The following PSG5 variants were observed in gnomAD, a reference collection of about 807,000 sequenced individuals.
The protein encoded by PSG5 is pregnancy-specific beta-1-glycoprotein 5.
Under a neutral mutation model 37.7 loss-of-function variants are expected in PSG5, and 53 were observed. The observed-to-expected ratio is 1.41, with a 90% CI of 1.13 to 1.77. The LOEUF (loss-of-function observed/expected upper bound fraction) is 1.77, where lower values mean the gene tolerates loss of function less well. PSG5 is among the 40% of genes most tolerant of loss of function. The probability of loss-of-function intolerance (pLI) is 0.00; values close to 1 mark genes in which losing one functional copy is unlikely to be tolerated. For synonymous variants in PSG5, 221 were observed against 155.4 expected (o/e 1.42, Z -3.14); for missense variants, 547 against 405.2 (o/e 1.35, Z -3.00).
At position 43,173,805 on chromosome 19, in the gene PSG5, TG is replaced by T. The variant is rs1233308506; in HGVS notation, c.964+1409del. Reference sequence around the variant, plus strand: ...GTTATAGCCACTGTAAAAAGTGGTGTGGCTGTTTCTCAAAAAATTAAACAAT... The same window carrying T: ...GTTATAGCCACTGTAAAAAGTGGTGTGCTGTTTCTCAAAAAATTAAACAAT... On this transcript the variant is annotated intron_variant, in intron 4 of 5. Transcript: ENST00000342951. 6.6e-4 allele frequency among the ~76,000 whole-genome samples: 100 copies of T among 151,774 alleles called. 3 individuals are homozygous for T. Among genetic ancestry groups the T allele is most frequent in the African/African-American group, 2.3e-3 (94 of 41,254 alleles).
At chr19:43,175,678 GC>G in intron 3 of PSG5, 191 bp downstream of exon 3, 4 of 1,389,098 alleles carry the variant, frequency 2.9e-6, no homozygotes, top group South Asian at 1.4e-5. Flanking sequence ...TGACAAGAGC[GC>G]CCCCTCCCCT....
rs912663021 is a variant in PSG5, at chr19:43,186,225, C to A, written c.64+117G>T. The A allele has an allele frequency of 2.6e-4, 403 of 1,536,832 alleles. 10 individuals are homozygous for A. The highest frequency in any genetic ancestry group is 6.5e-4 in the Middle Eastern group (3 of 4,584). ...ACTCCTGATCTCATAATCCACCCACCTCATCCTCCCAAAGTGCTGGCTTCT... is the reference window on the plus strand; with the variant it reads ...ACTCCTGATCTCATAATCCACCCACATCATCCTCCCAAAGTGCTGGCTTCT... On this transcript the variant is annotated intron_variant, in intron 1 of 5. Transcript: ENST00000342951.
intron 2 of PSG5, among the ~76,000 whole-genome samples, chr19:43,183,072 A>G (rs1599754980): frequency 6.6e-6 from 1 of 151,066 alleles, no homozygotes; most frequent in Admixed American, 6.6e-5. Context: ...GCCAGTCAGA[A>G]TGAAGTGGGA....
chr19:43,185,338 G>A (rs1429426312), intron 1 of PSG5, among the ~76,000 whole-genome samples, 191 bp from the exon 2 acceptor site: 1 of 150,852 alleles, frequency 6.6e-6, no homozygotes, highest in Non-Finnish European at 1.5e-5. Context: ...TGTCCTACTA[G>A]GTCAAGGTCA....
chr19:43,176,229 C>T (rs1039425059), intron 2 of PSG5, 81 bp from the exon 3 acceptor site: 1 of 1,570,406 alleles, frequency 6.4e-7, no homozygotes, highest in Non-Finnish European at 8.6e-7. Flanking sequence ...GAGTTGGCAT[C>T]TCCCACCTGT....
At position 43,175,330 on chromosome 19, in the gene PSG5, T is replaced by A; in HGVS notation, c.849A>T (p.Gly283=). The A allele has an allele frequency of 3.1e-6, 5 of 1,612,814 alleles. No homozygotes were observed. The highest frequency in any genetic ancestry group is 4.2e-6 in the Non-Finnish European group (5 of 1,179,222). The change falls in exon 4 of 6, where the codon GGA becomes GGT. Residue 283 remains glycine, a synonymous_variant. Transcript: ENST00000342951. Reference sequence around the variant, plus strand: ...TAATTTGGGGGATAGAGAGCTTTTGTCCTGATTGCTGAAACTTCCCATTAA... The same window carrying A: ...TAATTTGGGGGATAGAGAGCTTTTGACCTGATTGCTGAAACTTCCCATTAA... ...WTINGKFQQS[G]QKLSIPQITT...
At chr19:43,168,586 A>ATGGT (rs1212628466) in intron 5 of PSG5, among the ~76,000 whole-genome samples, 5 of 151,474 alleles carry the variant, frequency 3.3e-5, no homozygotes, top group Non-Finnish European at 7.4e-5. Context: ...GTTAGCCAGG[A>ATGGT]TGGTCTCGAT....
rs3207396 is a variant in PSG5 at position 43,170,085 on chromosome 19, T to A, written c.*10A>T. On this transcript the variant is annotated 3_prime_UTR_variant, in exon 5 of 6. Transcript: ENST00000342951. ...AGTCTTCCTGAAATACAGAAATGAC[T>A]TCACGGCTGCTATATTGGATTAAGG... 7.6e-6 allele frequency: 12 copies of A among 1,576,788 alleles called. 1 individual carries two copies. The highest frequency in any genetic ancestry group is 9.6e-6 in the Non-Finnish European group (11 of 1,151,766).
At chr19:43,183,751 T>C (rs1969181987) in intron 2 of PSG5, among the ~76,000 whole-genome samples, 1 of 147,892 alleles carries the variant, frequency 6.8e-6, no homozygotes, top group African/African-American at 2.5e-5. Context: ...TGGAACCCAG[T>C]AAGCCCTCAC....
At chr19:43,185,844 C>T (rs1966925385) in intron 1 of PSG5, among the ~76,000 whole-genome samples, 1 of 27,868 alleles carries the variant, frequency 3.6e-5, no homozygotes, top group African/African-American at 2.8e-4. Context: ...TATCATTTTT[C>T]AAAATGTCGT....
intron 4 of PSG5, 34 bp from the exon 5 acceptor site, chr19:43,170,172 G>T: frequency 6.5e-7 from 1 of 1,539,158 alleles, no homozygotes; most frequent in Non-Finnish European, 8.9e-7. Flanking sequence ...AAGGAATGAA[G>T]GTGATGTTAT....
rs377352148 is a variant in PSG5, at chr19:43,174,652, G to C, written c.964+563C>G. ...GCTCGATTTAGCCAAATTCAGGACA[G>C]GCCACCAGGACTCTTTCTCCACACA... On this transcript the variant is annotated intron_variant, in intron 4 of 5. Coordinates refer to ENST00000342951, the MANE Select transcript of PSG5 (RefSeq NM_002781.4). 15 of 982,044 alleles carry C rather than the reference G, an allele frequency of 1.5e-5. No individual in the cohort carries two copies. The East Asian group carries it at 3.9e-4, about 26-fold the overall frequency. 60.8% of individuals were successfully genotyped at this position (982,044 alleles called of 1,614,324 possible).
intron 2 of PSG5, chr19:43,178,919 C>T: frequency 2.5e-6 from 4 of 1,612,856 alleles, no homozygotes; most frequent in Non-Finnish European, 3.4e-6. Context: ...GGCTGGCACT[C>T]ACTGGGTTCC....
At position 43,168,512 on chromosome 19, in the gene PSG5, G is replaced by A. The variant is rs1000419314; in HGVS notation, c.*41-309C>T. Among the ~76,000 whole-genome samples the A allele has an allele frequency of 4.0e-5, 6 of 151,372 alleles. 1 individual carries two copies. The highest frequency in any genetic ancestry group is 3.9e-4 in the East Asian group (2 of 5,180). ...GCCTCCTGAGTAACTGGGACTACAG[G>A]TGCCTGCCACCACGCCCGGCAAATT... On this transcript the variant is annotated intron_variant, in intron 5 of 5. Transcript: ENST00000342951.
rs536084798 is a variant in PSG5 at position 43,170,151 on chromosome 19, G to C, written c.965-13C>G. 6.4e-7 allele frequency: 1 copy of C among 1,572,854 alleles called. No individual in the cohort carries two copies. The highest frequency in any genetic ancestry group is 1.4e-5 in the African/African-American group (1 of 73,554). ...ATTCCTGAAGGAGCTGTCATGGAAA[G>C]AAAAGTAAAGAAGGAATGAAGGTGA... On this transcript the variant is annotated splice_polypyrimidine_tract_variant and intron_variant, in intron 4 of 5. Coordinates refer to ENST00000342951, the MANE Select transcript of PSG5 (RefSeq NM_002781.4).
intron 4 of PSG5, among the ~76,000 whole-genome samples, chr19:43,172,156 A>G (rs1234651100): frequency 6.6e-6 from 1 of 151,568 alleles, no homozygotes; most frequent in Admixed American, 6.6e-5. Flanking sequence ...AACTATAATC[A>G]GTAATAAGAT....
In PSG5 at chr19:43,175,207, C is replaced by A. The variant is rs1317452338; in HGVS notation, c.964+8G>T. On this transcript the variant is annotated splice_region_variant and intron_variant, in intron 4 of 5. Coordinates refer to ENST00000342951, the MANE Select transcript of PSG5 (RefSeq NM_002781.4). ...ACCCTATTGCCAAGGATGCTGGGATCCACTTACCAGAGACTTCGACTGTCA... is the reference window on the plus strand; with the variant it reads ...ACCCTATTGCCAAGGATGCTGGGATACACTTACCAGAGACTTCGACTGTCA... 2 of 1,612,470 alleles carry A rather than the reference C, an allele frequency of 1.2e-6. No homozygotes were observed. Among genetic ancestry groups the A allele is most frequent in the East Asian group, 2.2e-5 (1 of 44,874 alleles).
At chr19:43,173,159 C>G (rs569539099) in intron 4 of PSG5, among the ~76,000 whole-genome samples, 1 of 151,704 alleles carries the variant, frequency 6.6e-6, no homozygotes, top group South Asian at 2.1e-4. Context: ...ATTGGGAAAG[C>G]TGGATATCCA....
rs879091484 is a variant in PSG5 at position 43,174,412 on chromosome 19, C to T, written c.964+803G>A. The T allele has an allele frequency of 1.4e-5, 12 of 843,868 alleles. No homozygotes were observed. The South Asian group carries it at 2.7e-4, about 19-fold the overall frequency. The allele number at this position is 843,868 out of a possible 1,614,324, so 52.3% of individuals were successfully genotyped here. On this transcript the variant is annotated intron_variant, in intron 4 of 5. Coordinates refer to ENST00000342951, the MANE Select transcript of PSG5 (RefSeq NM_002781.4). ...AATTACACACTTTTTGGCACTGCCC[C>T]TTTCCTGCCATGCAGAGCCCCAGGG...
Sources: gnomAD v4.1 joint callset for allele counts (sites outside exome capture counted in the v4.1 genomes callset) on GRCh38, gnomAD v4.1.1 for gene constraint, MANE v1.5 for transcripts, NCBI Gene and HGNC (gene_info 2026-07-23, HGNC 2026-07-21) for gene names.